GFRA2: variants seen among roughly 807,000 people sequenced by gnomAD.
GFRA2 encodes GDNF family receptor alpha-2.
GFRA2 carries 17 observed loss-of-function variants against 48.3 expected under a neutral mutation model. The observed-to-expected ratio is 0.35, with a 90% CI of 0.24 to 0.53. The LOEUF (loss-of-function observed/expected upper bound fraction) is 0.53, where lower values mean the gene tolerates loss of function less well. GFRA2 is among the 20% of genes least tolerant of loss of function. The pLI is 0.93. For synonymous variants in GFRA2, 305 were observed against 257.2 expected (o/e 1.19, Z -1.78); for missense variants, 660 against 637.3 (o/e 1.04, Z -0.38).
chr8:21,725,190 A>G (rs151205160), intron 4 of GFRA2, among the ~76,000 whole-genome samples: 189 of 152,362 alleles, frequency 1.2e-3, no homozygotes, highest in Non-Finnish European at 2.2e-3. Flanking sequence ...ATACCAGTTC[A>G]TCCCAAGAAG....
intron 4 of GFRA2, among the ~76,000 whole-genome samples, chr8:21,740,026 G>A (rs1390352101): frequency 6.6e-6 from 1 of 152,198 alleles, no homozygotes; most frequent in African/African-American, 2.4e-5. Context: ...TGGCGGGTGG[G>A]ACATTCTAGG....
At chr8:21,788,951 G>T (rs1305163156), upstream of GFRA2, 1 of 317,752 alleles carries the variant, frequency 3.1e-6, no homozygotes, top group Admixed American at 6.5e-5. Context: ...CTCCCTTCGC[G>T]GCTCCCTCGC....
upstream of GFRA2, among the ~76,000 whole-genome samples, chr8:21,792,179 G>A (rs1807584480): frequency 6.6e-6 from 1 of 152,192 alleles, no homozygotes; most frequent in Non-Finnish European, 1.5e-5. Flanking sequence ...AGCAGGAGAG[G>A]GAAGAAGGAC....
intron 4 of GFRA2, 147 bp from the exon 5 acceptor site, chr8:21,706,188 A>G: frequency 1.6e-6 from 1 of 640,114 alleles, no homozygotes; most frequent in Non-Finnish European, 2.8e-6. Flanking sequence ...AGTCGGGGGA[A>G]CCAAGTCTTT....
At chr8:21,737,725 C>T (rs1804541801) in intron 4 of GFRA2, among the ~76,000 whole-genome samples, 2 of 152,134 alleles carry the variant, frequency 1.3e-5, no homozygotes, top group Admixed American at 6.5e-5. Flanking sequence ...TGGTCCCCGC[C>T]GCAGGACCCT....
chr8:21,724,805 C>T (rs1275025167), intron 4 of GFRA2, among the ~76,000 whole-genome samples: 1 of 152,092 alleles, frequency 6.6e-6, no homozygotes, highest in Non-Finnish European at 1.5e-5. Flanking sequence ...CTCCAAAGGC[C>T]CACCCCTAGG....
chr8:21,785,607 C>G (rs1444602310), intron 1 of GFRA2, among the ~76,000 whole-genome samples: 1 of 152,182 alleles, frequency 6.6e-6, no homozygotes, highest in African/African-American at 2.4e-5. Context: ...CTACAATTGC[C>G]CTACTGCATC....
At chr8:21,698,853 G>C (rs914731778) in intron 7 of GFRA2, among the ~76,000 whole-genome samples, 1 of 150,806 alleles carries the variant, frequency 6.6e-6, no homozygotes, top group Non-Finnish European at 1.5e-5. Context: ...TCTGTGCCTC[G>C]GCTCCGCTGC....
chr8:21,762,630 T>C (rs1055204449), intron 3 of GFRA2, among the ~76,000 whole-genome samples: 1 of 152,210 alleles, frequency 6.6e-6, no homozygotes, highest in African/African-American at 2.4e-5. Context: ...ACCTTTCAAA[T>C]TGCATTTTAT....
At chr8:21,724,985 G>C (rs983274768) in intron 4 of GFRA2, among the ~76,000 whole-genome samples, 2 of 152,320 alleles carry the variant, frequency 1.3e-5, no homozygotes, top group East Asian at 1.9e-4. Flanking sequence ...ACAATCCTTG[G>C]ACACTGGCCT....
intron 4 of GFRA2, among the ~76,000 whole-genome samples, chr8:21,729,225 G>A (rs1804054294): frequency 6.6e-6 from 1 of 152,228 alleles, no homozygotes; most frequent in South Asian, 2.1e-4. Flanking sequence ...AGCTACTCGG[G>A]AGGCTGAGGT....
chr8:21,735,508 C>G lies in GFRA2; in HGVS notation c.794+15080G>C, dbSNP rs1016048756. The stretch of plus-strand genomic sequence containing the variant: ...CCAGTAGGCAAGGTGGTCCAGAGCA[C>G]AGAGAGCCGCTGTGTGGAGACGAAC... On this transcript the variant is annotated intron_variant, in intron 4 of 8. Transcript: ENST00000524240. Among the ~76,000 whole-genome samples, 8 of 152,168 alleles carry G rather than the reference C, an allele frequency of 5.3e-5. No individual in the cohort carries two copies. The South Asian group carries it at 6.2e-4, about 12-fold the overall frequency.
chr8:21,787,276 G>A lies in GFRA2; in HGVS notation c.40+844C>T, dbSNP rs1233602786. ...TCTTGGAGGCGGCGGGGGGGGCAGTGGGGGGGGTTTGCAGAAGGAGCAGTG... is the reference window on the plus strand; with the variant it reads ...TCTTGGAGGCGGCGGGGGGGGCAGTAGGGGGGGTTTGCAGAAGGAGCAGTG... On this transcript the variant is annotated intron_variant, in intron 1 of 8. Transcript: ENST00000524240. 9.8e-5 allele frequency among the ~76,000 whole-genome samples: 14 copies of A among 143,162 alleles called. No individual in the cohort carries two copies. The East Asian group carries it at 2.0e-3, about 21-fold the overall frequency. 93.9% of individuals were successfully genotyped at this position (143,162 alleles called of 152,430 possible).
At chr8:21,737,529 GC>G (rs1804528655) in intron 4 of GFRA2, among the ~76,000 whole-genome samples, 1 of 152,116 alleles carries the variant, frequency 6.6e-6, no homozygotes, top group Non-Finnish European at 1.5e-5. Context: ...GAACAGGGGA[GC>G]CCCTGCCTGT....
intron 3 of GFRA2, among the ~76,000 whole-genome samples, chr8:21,765,699 G>C (rs183729730): frequency 1.7e-4 from 26 of 152,152 alleles, no homozygotes; most frequent in Non-Finnish European, 3.5e-4. Flanking sequence ...CTTCCGGGGG[G>C]AGATCTAATT....
chr8:21,805,963 C>G (rs1807857098), intron 1 of GFRA2, among the ~76,000 whole-genome samples: 1 of 152,224 alleles, frequency 6.6e-6, no homozygotes, highest in Admixed American at 6.5e-5. Flanking sequence ...GCAGTTCCCT[C>G]AGGGAGAAGC....
At chr8:21,695,590 G>C (rs1236441166) in intron 7 of GFRA2, among the ~76,000 whole-genome samples, 1 of 152,108 alleles carries the variant, frequency 6.6e-6, no homozygotes, top group Non-Finnish European at 1.5e-5. Flanking sequence ...ATGGAACCAG[G>C]AGTGTCCCCA....
intron 2 of GFRA2, among the ~76,000 whole-genome samples, chr8:21,782,319 T>TTCTCCTCCTCCCACCACCTCCCTC (rs1807034005): frequency 3.2e-5 from 4 of 125,084 alleles, no homozygotes; most frequent in South Asian, 3.1e-4. Flanking sequence ...CCAGCGCCTG[T>TTCTCCTCCTCCCACCACCTCCCTC]TCTCCTCCTC....
At chr8:21,734,638 G>T (rs1412743355) in intron 4 of GFRA2, among the ~76,000 whole-genome samples, 1 of 152,234 alleles carries the variant, frequency 6.6e-6, no homozygotes, top group African/African-American at 2.4e-5. Context: ...TTCGCCCTGT[G>T]CCATGGAAGC....
Sources: gnomAD v4.1 joint callset for allele counts (sites outside exome capture counted in the v4.1 genomes callset) on GRCh38, gnomAD v4.1.1 for gene constraint, MANE v1.5 for transcripts, NCBI Gene and HGNC (gene_info 2026-07-23, HGNC 2026-07-21) for gene names.